SDK1: variants seen among roughly 807,000 people sequenced by gnomAD.
SDK1 encodes the protein sidekick cell adhesion molecule 1.
In SDK1, 157 loss-of-function variants were observed where a neutral mutation model predicts 245.5. That is an observed-to-expected ratio of 0.64 (90% CI 0.56 to 0.73). The LOEUF is 0.73. Among genes scored for constraint, SDK1 ranks in the 30% least tolerant of loss-of-function variants. The pLI is 0.00. For missense variants in SDK1, 3,583 were observed against 3,002.3 expected (o/e 1.19, Z -4.52); for synonymous variants, 1,647 against 1,278.5 (o/e 1.29, Z -6.15).
intron 5 of SDK1, among the ~76,000 whole-genome samples, chr7:3,875,811 A>G (rs1326894007): frequency 1.3e-5 from 2 of 152,156 alleles, no homozygotes; most frequent in South Asian, 2.1e-4. Flanking sequence ...TGAAACCCCT[A>G]TATCCTTGGG....
rs961367608 is a variant in SDK1, at chr7:4,026,209, T to C, written c.2602+8857T>C. 1.2e-4 allele frequency among the ~76,000 whole-genome samples: 19 copies of C among 152,124 alleles called. No individual in the cohort carries two copies. The highest frequency in any genetic ancestry group is 4.6e-4 in the African/African-American group (19 of 41,516). On this transcript the variant is annotated intron_variant, in intron 17 of 44. Transcript: ENST00000404826. The surrounding 1 kb of genome is among the most constrained non-coding windows in gnomAD (Gnocchi z 4.1). Reference sequence around the variant, plus strand: ...TGGAAGAGAAACCACAAACATGCAATTTTCAGATGCGGAGAATGCAGAGAC... The same window carrying C: ...TGGAAGAGAAACCACAAACATGCAACTTTCAGATGCGGAGAATGCAGAGAC...
At chr7:3,794,682 T>C (rs776066166) in intron 4 of SDK1, among the ~76,000 whole-genome samples, 5 of 152,188 alleles carry the variant, frequency 3.3e-5, no homozygotes, top group African/African-American at 1.2e-4. Context: ...TCCCCAGATA[T>C]AGTCCCTCGA....
At chr7:3,828,355 G>A (rs1202999666) in intron 5 of SDK1, among the ~76,000 whole-genome samples, 1 of 151,908 alleles carries the variant, frequency 6.6e-6, no homozygotes, top group African/African-American at 2.4e-5. Context: ...TTAAAAAATT[G>A]AGAGATATTC....
intron 17 of SDK1, among the ~76,000 whole-genome samples, chr7:4,019,122 C>A (rs1786662973): frequency 6.6e-6 from 1 of 152,154 alleles, no homozygotes; most frequent in Admixed American, 6.5e-5. Flanking sequence ...GGCCCAGTGC[C>A]TCCTGTACAG....
intron 5 of SDK1, among the ~76,000 whole-genome samples, chr7:3,851,132 T>G (rs551337085): frequency 9.2e-5 from 14 of 152,230 alleles, no homozygotes; most frequent in Non-Finnish European, 1.8e-4. Context: ...ACCCTACGTG[T>G]TGGCATTTTC....
chr7:3,329,777 T>G (rs2128550448), intron 1 of SDK1, among the ~76,000 whole-genome samples: 1 of 152,358 alleles, frequency 6.6e-6, no homozygotes, highest in Non-Finnish European at 1.5e-5. Context: ...AAACTGCATC[T>G]GTACTGAACA....
At chr7:3,679,073 A>G (rs1429335783) in intron 4 of SDK1, among the ~76,000 whole-genome samples, 5 of 152,372 alleles carry the variant, frequency 3.3e-5, no homozygotes, top group South Asian at 2.1e-4. Flanking sequence ...CACCAAAAAC[A>G]TGATCAATAC....
chr7:3,368,653 A>G (rs1020576573), intron 1 of SDK1, among the ~76,000 whole-genome samples: 1 of 152,064 alleles, frequency 6.6e-6, no homozygotes, highest in Non-Finnish European at 1.5e-5. Flanking sequence ...TGCCCTGGGG[A>G]TCTTTATGTG....
rs58350274 is a variant in SDK1, at chr7:3,376,551, C to G, written c.298+74667C>G. On this transcript the variant is annotated intron_variant, in intron 1 of 44. Coordinates refer to ENST00000404826, the MANE Select transcript of SDK1 (RefSeq NM_152744.4). ...ATTAGCCAAGAAATATAATTTAGAA[C>G]AATGAGAGGTCACATTGTATTTACC... 6.2e-3 allele frequency among the ~76,000 whole-genome samples: 937 copies of G among 152,194 alleles called. 11 individuals carry two copies. Among genetic ancestry groups the G allele is most frequent in the African/African-American group, 0.022 (903 of 41,504 alleles).
chr7:3,359,056 A>T (rs903269059), intron 1 of SDK1, among the ~76,000 whole-genome samples: 1 of 152,138 alleles, frequency 6.6e-6, no homozygotes, highest in Non-Finnish European at 1.5e-5. Flanking sequence ...TTTCCTCATC[A>T]TAGAACCTTA....
chr7:3,556,316 A>G (rs1779586773), intron 1 of SDK1, among the ~76,000 whole-genome samples: 1 of 152,220 alleles, frequency 6.6e-6, no homozygotes, highest in Admixed American at 6.5e-5. Flanking sequence ...GACAAACTTC[A>G]TGTGTTCTCA....
At chr7:3,915,043 C>T (rs907149910) in intron 5 of SDK1, among the ~76,000 whole-genome samples, 1 of 152,178 alleles carries the variant, frequency 6.6e-6, no homozygotes, top group African/African-American at 2.4e-5. Flanking sequence ...CCCGGAAATC[C>T]CACAACTGTT....
intron 5 of SDK1, among the ~76,000 whole-genome samples, chr7:3,895,917 G>A (rs773494165): frequency 3.3e-5 from 5 of 152,098 alleles, no homozygotes; most frequent in African/African-American, 4.8e-5. Context: ...ACTGATTTCT[G>A]ATTTAATTCT....
intron 4 of SDK1, among the ~76,000 whole-genome samples, chr7:3,708,134 A>G (rs995950899): frequency 5.9e-5 from 9 of 152,192 alleles, no homozygotes; most frequent in Non-Finnish European, 1.2e-4. Context: ...CACATCTTAC[A>G]TGACAGGAAC....
intron 1 of SDK1, among the ~76,000 whole-genome samples, chr7:3,418,163 A>AAAAAAG (rs1779432091): frequency 8.1e-6 from 1 of 123,114 alleles, no homozygotes; most frequent in African/African-American, 2.7e-5. Context: ...AAAAAAAAAA[A>AAAAAAG]AAAAATAGCT....
chr7:3,961,973 A>G (rs1043299468), intron 8 of SDK1, among the ~76,000 whole-genome samples: 2 of 151,472 alleles, frequency 1.3e-5, no homozygotes, highest in African/African-American at 4.9e-5. Context: ...ACATAAACAC[A>G]TGCACATATA....
intron 5 of SDK1, among the ~76,000 whole-genome samples, chr7:3,907,111 C>T (rs957713818): frequency 5.8e-5 from 8 of 137,978 alleles, no homozygotes; most frequent in African/African-American, 2.5e-4. Flanking sequence ...TAAATATATT[C>T]TCTCTTTTTT....
At chr7:4,121,525 T>C (rs1318512638) in intron 25 of SDK1, among the ~76,000 whole-genome samples, 14 of 152,228 alleles carry the variant, frequency 9.2e-5, no homozygotes, top group Admixed American at 8.5e-4. Flanking sequence ...TCCATCACGA[T>C]TGTAATCCTG....
At position 3,707,876 on chromosome 7, in the gene SDK1, C is replaced by A. The variant is rs185662903; in HGVS notation, c.713+65771C>A. Among the ~76,000 whole-genome samples, 205 of 152,280 alleles carry A rather than the reference C, an allele frequency of 1.3e-3. 1 individual carries two copies. Among genetic ancestry groups the A allele is most frequent in the Non-Finnish European group, 2.3e-3 (159 of 68,016 alleles). ...TTATGTGATATAAGAATAGCTACTT[C>A]TGCTCACTTTTGATTTCTATTTGCA... On this transcript the variant is annotated intron_variant, in intron 4 of 44. Coordinates refer to ENST00000404826, the MANE Select transcript of SDK1 (RefSeq NM_152744.4).
Sources: gnomAD v4.1 joint callset for allele counts (sites outside exome capture counted in the v4.1 genomes callset) on GRCh38, gnomAD v4.1.1 for gene constraint, Gnocchi (gnomAD v3.1) non-coding constraint, MANE v1.5 for transcripts, NCBI Gene and HGNC (gene_info 2026-07-23, HGNC 2026-07-21) for gene names.